The following KCND2 variants were observed in gnomAD, a reference collection of about 807,000 sequenced individuals.
KCND2 encodes potassium voltage-gated channel subfamily D member 2.
Under a neutral mutation model 54.4 loss-of-function variants are expected in KCND2, and 16 were observed. That is an observed-to-expected ratio of 0.29 (90% confidence interval 0.20 to 0.45). The LOEUF is 0.45. Ranked by LOEUF, KCND2 falls within the 20% of genes least tolerant of loss-of-function variation. The pLI, the probability that KCND2 is intolerant of heterozygous loss-of-function variation, is 1.00. For synonymous variants in KCND2, 317 were observed against 310.7 expected, an observed-to-expected ratio of 1.02 and a Z score of -0.21; for missense variants, 486 against 824.2, an observed-to-expected ratio of 0.59 and a Z score of 5.02.
At chr7:120,482,539 G>A (rs1802621016) in intron 1 of KCND2, among the ~76,000 whole-genome samples, 1 of 152,186 alleles carries the variant, frequency 6.6e-6, no homozygotes, top group African/African-American at 2.4e-5. Context: ...ATGAAACAGT[G>A]TTGAAAAGTG....
At chr7:120,309,452 C>CATATATATATATATATATATATATAT (rs61690032) in intron 1 of KCND2, among the ~76,000 whole-genome samples, 13 of 68,270 alleles carry the variant, frequency 1.9e-4, no homozygotes, top group East Asian at 1.7e-3. Flanking sequence ...TAATAGAAAA[C>CATATATATATATATATATATATATAT]ATATATATAT....
At position 120,399,049 on chromosome 7, in the gene KCND2, A is replaced by C. The variant is rs1325639632; in HGVS notation, c.1115+123302A>C. Among the ~76,000 whole-genome samples, 3 of 151,800 alleles carry C rather than the reference A, an allele frequency of 2.0e-5. No homozygotes were observed. The East Asian group carries it at 5.8e-4, about 29-fold the overall frequency. On this transcript the variant is annotated intron_variant, in intron 1 of 5. Transcript: ENST00000331113. ...CGCTCTTTGCTTGTACTTCCTCTTA[A>C]CACCCACTTTACATTATCTTAAATT...
At chr7:120,590,378 A>C (rs75913245) in intron 1 of KCND2, among the ~76,000 whole-genome samples, 1 of 152,130 alleles carries the variant, frequency 6.6e-6, no homozygotes, top group African/African-American at 2.4e-5. Context: ...GTCATAAAAA[A>C]GATACAGCTT....
At chr7:120,744,872 A>C (rs541145808) in intron 4 of KCND2, among the ~76,000 whole-genome samples, 1 of 152,294 alleles carries the variant, frequency 6.6e-6, no homozygotes, top group African/African-American at 2.4e-5. Flanking sequence ...AGTAGTTCAG[A>C]CCAAAAATGT....
At chr7:120,670,777 G>C (rs1328163551) in intron 1 of KCND2, among the ~76,000 whole-genome samples, 1 of 151,866 alleles carries the variant, frequency 6.6e-6, no homozygotes, top group Non-Finnish European at 1.5e-5. Flanking sequence ...TTCGCCAGGC[G>C]TGGTGGCGGG....
chr7:120,339,432 T>C (rs544782267), intron 1 of KCND2, among the ~76,000 whole-genome samples: 1 of 152,222 alleles, frequency 6.6e-6, no homozygotes, highest in African/African-American at 2.4e-5. Context: ...TACATAATTA[T>C]TAATTATCCT....
chr7:120,531,200 T>C (rs1791838657), intron 1 of KCND2, among the ~76,000 whole-genome samples: 1 of 152,078 alleles, frequency 6.6e-6, no homozygotes, highest in Non-Finnish European at 1.5e-5. Flanking sequence ...CCTTCTCTCC[T>C]CCAACATCGT....
intron 1 of KCND2, among the ~76,000 whole-genome samples, chr7:120,319,293 A>G (rs903862393): frequency 5.9e-5 from 9 of 152,092 alleles, no homozygotes; most frequent in Non-Finnish European, 4.4e-5. Context: ...GGGCATAGCT[A>G]TGGAGGTACT....
At chr7:120,438,012 G>A (rs899912964) in intron 1 of KCND2, among the ~76,000 whole-genome samples, 2 of 152,176 alleles carry the variant, frequency 1.3e-5, no homozygotes, top group Non-Finnish European at 2.9e-5. Flanking sequence ...TGGAAAGTTT[G>A]GCTTTTATTT....
At chr7:120,595,094 G>A (rs569852591) in intron 1 of KCND2, among the ~76,000 whole-genome samples, 10 of 151,656 alleles carry the variant, frequency 6.6e-5, no homozygotes, top group African/African-American at 2.4e-4. Context: ...TAGCTCTACA[G>A]AGACATGTTG....
rs139050189 is a variant in KCND2, at chr7:120,646,769, G to A, written c.1116-86134G>A. The stretch of plus-strand genomic sequence containing the variant: ...TTGTCTTTCATTTCAGCAAAGATTC[G>A]GTACTGAATTGGTACAGACCATATT... On this transcript the variant is annotated intron_variant, in intron 1 of 5. Transcript: ENST00000331113. 2.5e-3 allele frequency among the ~76,000 whole-genome samples: 376 copies of A among 152,286 alleles called. 1 individual carries two copies. Among genetic ancestry groups the A allele is most frequent in the African/African-American group, 8.4e-3 (349 of 41,562 alleles).
intron 1 of KCND2, among the ~76,000 whole-genome samples, chr7:120,309,474 TACACACACACACACACACACACAC>T (rs1209573900): frequency 1.8e-4 from 20 of 113,254 alleles, no homozygotes; most frequent in East Asian, 6.0e-4. Flanking sequence ...TATATATATA[TACACACACACACACACACACACAC>T]ACACATATGT....
chr7:120,603,395 G>T (rs961944722), intron 1 of KCND2, among the ~76,000 whole-genome samples: 5 of 152,160 alleles, frequency 3.3e-5, no homozygotes, highest in Admixed American at 6.5e-5. Context: ...TGGAGCCCCA[G>T]ACTAGACCAT....
At chr7:120,466,427 T>G (rs2116251156) in intron 1 of KCND2, among the ~76,000 whole-genome samples, 1 of 152,304 alleles carries the variant, frequency 6.6e-6, no homozygotes, top group South Asian at 2.1e-4. Context: ...TCTTTTATCG[T>G]TGGAGATCAA....
At chr7:120,477,213 A>G (rs1183078474) in intron 1 of KCND2, among the ~76,000 whole-genome samples, 1 of 152,220 alleles carries the variant, frequency 6.6e-6, no homozygotes, top group Non-Finnish European at 1.5e-5. Context: ...TGAGCTTCAA[A>G]TGAAGCACTA....
intron 1 of KCND2, among the ~76,000 whole-genome samples, chr7:120,688,114 A>G (rs1289373393): frequency 1.3e-5 from 2 of 152,206 alleles, no homozygotes; most frequent in African/African-American, 4.8e-5. Flanking sequence ...CAAGCTATGT[A>G]CAGATATACT....
At chr7:120,397,945 A>G (rs1362153499) in intron 1 of KCND2, among the ~76,000 whole-genome samples, 1 of 148,852 alleles carries the variant, frequency 6.7e-6, no homozygotes, top group African/African-American at 2.5e-5. Flanking sequence ...AAAAGTACAT[A>G]TACATAACTA....
intron 1 of KCND2, among the ~76,000 whole-genome samples, chr7:120,542,942 A>C (rs1286023869): frequency 6.6e-6 from 1 of 152,054 alleles, no homozygotes; most frequent in Non-Finnish European, 1.5e-5. Context: ...ATTTGACCCA[A>C]CTTACTCTTA....
At chr7:120,499,019 G>C (rs1431011408) in intron 1 of KCND2, among the ~76,000 whole-genome samples, 2 of 151,934 alleles carry the variant, frequency 1.3e-5, no homozygotes, top group Non-Finnish European at 2.9e-5. Flanking sequence ...TTTTTCTTCT[G>C]GTCTAGCATA....
Sources: gnomAD v4.1 joint callset for allele counts (sites outside exome capture counted in the v4.1 genomes callset) on GRCh38, gnomAD v4.1.1 for gene constraint, MANE v1.5 for transcripts, NCBI Gene and HGNC (gene_info 2026-07-23, HGNC 2026-07-21) for gene names.